Variants in EMCN observed in about 807,000 individuals in gnomAD.
The protein encoded by EMCN is MUC-14.
A neutral mutation model predicts 38.4 loss-of-function variants in EMCN; 37 were observed. The ratio of observed to expected loss-of-function variants is 0.96; its 90% CI spans 0.74 to 1.27. EMCN has a LOEUF of 1.27. EMCN is among the 50% of genes most tolerant of loss of function. The pLI, the probability that EMCN is intolerant of heterozygous loss-of-function variation, is 0.00. For synonymous variants in EMCN, 95 were observed against 100.8 expected (o/e 0.94, Z 0.35); for missense variants, 318 against 302.8 (o/e 1.05, Z -0.37).
At chr4:100,503,143 A>C (rs1729394148) in intron 1 of EMCN, among the ~76,000 whole-genome samples, 1 of 152,074 alleles carries the variant, frequency 6.6e-6, no homozygotes, top group Non-Finnish European at 1.5e-5. Context: ...ATTAAATAAA[A>C]TAAAATTTTG....
At position 100,446,140 on chromosome 4, in the gene EMCN, G is replaced by A. The variant is rs896901173; in HGVS notation, c.415+1393C>T. On this transcript the variant is annotated intron_variant, in intron 5 of 11. Coordinates refer to ENST00000296420, the MANE Select transcript of EMCN (RefSeq NM_016242.4). ...TTCTCCTTGATAGTCAATCTGTGAA[G>A]CAGAGGGAAAAAAATCTCTTCCCAG... The A allele has an allele frequency of 7.1e-6, 7 of 985,270 alleles. No individual in the cohort carries two copies. The African/African-American group carries it at 1.2e-4, about 17-fold the overall frequency. The allele number at this position is 985,270 out of a possible 1,614,324, so 61.0% of individuals were successfully genotyped here.
At chr4:100,444,313 G>A (rs72690400) in intron 5 of EMCN, among the ~76,000 whole-genome samples, 6,913 of 152,258 alleles carry the variant, frequency 0.045, 222 homozygotes, top group Middle Eastern at 0.071. Context: ...TGTGGGGTAC[G>A]GTACTACATT....
chr4:100,439,568 AT>A (rs1403168940), intron 5 of EMCN, among the ~76,000 whole-genome samples: 1 of 143,670 alleles, frequency 7.0e-6, no homozygotes, highest in Non-Finnish European at 1.5e-5. Context: ...ATTTTTTTTT[AT>A]TTTTTGAAAG....
In EMCN at chr4:100,465,438, T is replaced by C; in HGVS notation, c.361A>G (p.Ser121Gly). Reference protein sequence around the residue: ...TLPNAVSTLQSSKPKTETQSS... With the variant: ...TLPNAVSTLQGSKPKTETQSS... Reference sequence around the variant, plus strand: ...TCATACTTACTCTTGGGTTTGGAACTTTGTAATGTTGAAACAGCATTTGGA... The same window carrying C: ...TCATACTTACTCTTGGGTTTGGAACCTTGTAATGTTGAAACAGCATTTGGA... The change falls in exon 4 of 12, where the codon AGT becomes GGT. Residue 121 changes from serine (S) to glycine (G), a missense_variant. By Grantham distance (56) the Ser-to-Gly change is moderately conservative (BLOSUM62 0). Transcript: ENST00000296420. 6.2e-7 allele frequency: 1 copy of C among 1,601,374 alleles called. No individual in the cohort carries two copies. Among genetic ancestry groups the C allele is most frequent in the South Asian group, 1.1e-5 (1 of 89,812 alleles).
Position 100,447,421 on chromosome 4 carries a change from T to TTTTC in EMCN, c.415+108_415+111dup, listed in dbSNP as rs910486416. 36 of 737,216 alleles carry TTTTC rather than the reference T, an allele frequency of 4.9e-5. No homozygotes were observed. The African/African-American group carries it at 5.8e-4, about 12-fold the overall frequency. The allele number at this position is 737,216 out of a possible 1,614,324, so 45.7% of individuals were successfully genotyped here. A position where few individuals can be genotyped will look rare whatever the true frequency, so the allele number is the denominator to read the frequency against. ...TAAACATTTTATTTGTGATGTAATG[T>TTTTC]TTTCCCTTGTGCTATTTCTCCCTGC... On this transcript the variant is annotated intron_variant, in intron 5 of 11. Transcript: ENST00000296420.
intron 1 of EMCN, among the ~76,000 whole-genome samples, chr4:100,507,151 T>G (rs977799127): frequency 6.6e-6 from 1 of 152,160 alleles, no homozygotes; most frequent in Admixed American, 6.5e-5. Flanking sequence ...CCAGGATCAT[T>G]CAATGTTAAT....
chr4:100,449,599 C>T (rs911985465), intron 4 of EMCN, among the ~76,000 whole-genome samples: 3 of 152,188 alleles, frequency 2.0e-5, no homozygotes, highest in Middle Eastern at 3.4e-3. Context: ...AAATCAAAAT[C>T]CTTGTTCCTC....
intron 4 of EMCN, among the ~76,000 whole-genome samples, chr4:100,452,835 G>A (rs532930898): frequency 6.4e-4 from 98 of 152,198 alleles, no homozygotes; most frequent in South Asian, 1.2e-3. Context: ...CAGAGATATA[G>A]ACCAATGGAA....
intron 10 of EMCN, among the ~76,000 whole-genome samples, chr4:100,414,483 T>C (rs1482829050): frequency 6.6e-6 from 1 of 151,766 alleles, no homozygotes; most frequent in Non-Finnish European, 1.5e-5. Context: ...GGGTACACTT[T>C]GCTCCTTTGC....
Position 100,410,367 on chromosome 4 carries a change from A to C in EMCN, c.752-12T>G. The C allele has an allele frequency of 6.2e-7, 1 of 1,613,256 alleles. No individual in the cohort carries two copies. Among genetic ancestry groups the C allele is most frequent in the Non-Finnish European group, 8.5e-7 (1 of 1,179,304 alleles). On this transcript the variant is annotated splice_polypyrimidine_tract_variant and intron_variant, in intron 10 of 11. Transcript: ENST00000296420. ...TGCAGAGTGCTCACCTGAGAACAGAAGATATGTTTTGATCTGTAAGCTCAG... is the reference window on the plus strand; with the variant it reads ...TGCAGAGTGCTCACCTGAGAACAGACGATATGTTTTGATCTGTAAGCTCAG...
chr4:100,490,804 C>T (rs1227004661), intron 1 of EMCN, among the ~76,000 whole-genome samples: 3 of 152,168 alleles, frequency 2.0e-5, no homozygotes, highest in Non-Finnish European at 4.4e-5. Flanking sequence ...GTTCCGTTTT[C>T]TCTACATCCT....
chr4:100,475,735 T>G (rs967997350), intron 2 of EMCN, among the ~76,000 whole-genome samples: 5 of 135,920 alleles, frequency 3.7e-5, no homozygotes, highest in Non-Finnish European at 6.1e-5. Context: ...TGGAGTGCAG[T>G]GGCGCGATCT....
chr4:100,437,129 G>A (rs1727376435), intron 5 of EMCN, among the ~76,000 whole-genome samples: 1 of 152,196 alleles, frequency 6.6e-6, no homozygotes, highest in African/African-American at 2.4e-5. Context: ...CCTAATGGGT[G>A]TGAGGTAGTA....
intron 9 of EMCN, among the ~76,000 whole-genome samples, chr4:100,416,554 G>A (rs56192000): frequency 0.091 from 13,902 of 152,106 alleles, 794 homozygotes; most frequent in South Asian, 0.14. Flanking sequence ...TATTTCTAAA[G>A]TTTACAACCT....
At chr4:100,463,134 T>C (rs977518852) in intron 4 of EMCN, among the ~76,000 whole-genome samples, 7 of 152,160 alleles carry the variant, frequency 4.6e-5, no homozygotes, top group African/African-American at 1.7e-4. Flanking sequence ...GAGAAGTACC[T>C]GTTGTGAGAA....
intron 5 of EMCN, among the ~76,000 whole-genome samples, chr4:100,444,789 C>A (rs1002096985): frequency 2.0e-5 from 3 of 152,002 alleles, no homozygotes; most frequent in Non-Finnish European, 4.4e-5. Context: ...GCAGCAGGAG[C>A]CATGAGACAA....
intron 1 of EMCN, among the ~76,000 whole-genome samples, chr4:100,502,409 C>T (rs1030015371): frequency 1.3e-5 from 2 of 151,618 alleles, no homozygotes; most frequent in Non-Finnish European, 2.9e-5. Flanking sequence ...TTCAGGCCGC[C>T]CTAGAAAAAA....
At chr4:100,413,581 A>G (rs1170060461) in intron 10 of EMCN, among the ~76,000 whole-genome samples, 1 of 152,190 alleles carries the variant, frequency 6.6e-6, no homozygotes, top group Non-Finnish European at 1.5e-5. Context: ...ATAGACTTGA[A>G]TAAAAATTGT....
intron 5 of EMCN, among the ~76,000 whole-genome samples, chr4:100,444,527 G>T (rs2110239865): frequency 6.6e-6 from 1 of 152,208 alleles, no homozygotes; most frequent in Non-Finnish European, 1.5e-5. Context: ...GAAGACCTGA[G>T]GTCCCTGAGG....
Sources: allele counts gnomAD v4.1 joint callset (sites outside exome capture counted in the v4.1 genomes callset), GRCh38; gene constraint gnomAD v4.1.1; transcripts MANE v1.5; gene names NCBI Gene and HGNC (gene_info 2026-07-23, HGNC 2026-07-21).